Variants in SSTR5 observed in about 807,000 individuals in gnomAD.
The protein encoded by SSTR5 is somatostatin receptor type 5.
A neutral mutation model predicts 0.3 loss-of-function variants in SSTR5; 1 was observed. The observed-to-expected ratio is 2.98, with a 90% CI of 1.06 to 14.15. The LOEUF (loss-of-function observed/expected upper bound fraction) is 14.15, where lower values mean the gene tolerates loss of function less well. SSTR5 is among the 30% of genes most tolerant of loss of function. The pLI, the probability that SSTR5 is intolerant of heterozygous loss-of-function variation, is 0.12. For missense variants in SSTR5, 516 were observed against 543.2 expected (o/e 0.95, Z 0.50); for synonymous variants, 256 against 263.1 (o/e 0.97, Z 0.26).
chr16:1,081,423 G>C lies in SSTR5; in HGVS notation c.*1460G>C, dbSNP rs1311648757. Reference sequence around the variant, plus strand: ...GTGAGGACACGCGTGTTTGACAACTGCTCCCCTGAATAAATGCGAGGATAA... The same window carrying C: ...GTGAGGACACGCGTGTTTGACAACTCCTCCCCTGAATAAATGCGAGGATAA... On this transcript the variant is annotated 3_prime_UTR_variant, in exon 2 of 2. Coordinates refer to ENST00000689027, the MANE Select transcript of SSTR5 (RefSeq NM_001172560.3). Among the ~76,000 whole-genome samples the C allele has an allele frequency of 6.6e-6, 1 of 152,218 alleles. No homozygotes were observed. The highest frequency in any genetic ancestry group is 1.5e-5 in the Non-Finnish European group (1 of 68,034).
rs747465592 is a variant in SSTR5, at chr16:1,079,979, G to A, written c.*16G>A. 4.4e-6 allele frequency: 7 copies of A among 1,583,880 alleles called. No homozygotes were observed. In the East Asian group the frequency reaches 1.1e-4, roughly 26 times the overall value. ...CAAGCTGTGAGAGTGCAGGCGGGGG[G>A]TGGGCGGCCCCGTGTCACCCCCAGG... On this transcript the variant is annotated 3_prime_UTR_variant, in exon 2 of 2. Coordinates refer to ENST00000689027, the MANE Select transcript of SSTR5 (RefSeq NM_001172560.3).
chr16:1,077,350 G>A (rs1433077907), intron 1 of SSTR5, among the ~76,000 whole-genome samples: 4 of 152,206 alleles, frequency 2.6e-5, no homozygotes, highest in African/African-American at 9.7e-5. Context: ...ATTCTCTGCT[G>A]GCCACCCCCA....
intron 1 of SSTR5, among the ~76,000 whole-genome samples, chr16:1,074,737 G>A (rs1200772498): frequency 1.3e-5 from 2 of 152,234 alleles, no homozygotes; most frequent in African/African-American, 4.8e-5. Flanking sequence ...GGCTGACCCT[G>A]GCACACCGGG....
rs368711005 is a variant in SSTR5 at position 1,079,959 on chromosome 16, T to C, written c.1091T>C (p.Leu364Pro). ...AANGLMQTSK[L>P] ...AACGGGCTTATGCAGACCAGCAAGC[T>C]GTGAGAGTGCAGGCGGGGGGTGGGC... Residue 364 changes from leucine (L) to proline (P), a missense_variant, in exon 2 of 2, where the codon CTG becomes CCG. Coordinates refer to ENST00000689027, the MANE Select transcript of SSTR5 (RefSeq NM_001172560.3). 5.1e-5 allele frequency: 81 copies of C among 1,600,852 alleles called. 1 individual carries two copies. The Middle Eastern group carries it at 5.3e-4, about 10-fold the overall frequency.
rs780044428 is a variant in SSTR5, at chr16:1,080,408, T to G, written c.*445T>G. ...ACCGGGTCCCCGTCCAAGGCTGCTC[T>G]GCTAAGTTAAAGACACCCGAAAGCG... On this transcript the variant is annotated 3_prime_UTR_variant, in exon 2 of 2. Transcript: ENST00000689027. Among the ~76,000 whole-genome samples, 14 of 152,224 alleles carry G rather than the reference T, an allele frequency of 9.2e-5. No individual in the cohort carries two copies. The highest frequency in any genetic ancestry group is 2.1e-4 in the Non-Finnish European group (14 of 68,026).
At position 1,079,063 on chromosome 16, in the gene SSTR5, G is replaced by A. The variant is rs751009897; in HGVS notation, c.195G>A (p.Val65=). 2.5e-6 allele frequency: 4 copies of A among 1,612,296 alleles called. No individual in the cohort carries two copies. In the African/African-American group the frequency reaches 4.0e-5, roughly 16 times the overall value. The part of the protein sequence containing the change: ...LGGNTLVIYV[V]LRFAKMKTVT... ...GGAACACGCTGGTCATCTACGTGGT[G>A]CTGCGCTTCGCCAAGATGAAGACCG... The change falls in exon 2 of 2, where the codon GTG becomes GTA. Residue 65 remains valine, a synonymous_variant. Coordinates refer to ENST00000689027, the MANE Select transcript of SSTR5 (RefSeq NM_001172560.3).
intron 1 of SSTR5, among the ~76,000 whole-genome samples, chr16:1,075,712 GC>G (rs894308128): frequency 3.3e-5 from 5 of 151,802 alleles, no homozygotes; most frequent in Admixed American, 2.6e-4. Context: ...CTCCCACGCA[GC>G]CCGCGGGCTG....
chr16:1,075,470 C>G (rs923503696), intron 1 of SSTR5, among the ~76,000 whole-genome samples: 1 of 152,090 alleles, frequency 6.6e-6, no homozygotes, highest in African/African-American at 2.4e-5. Context: ...GACCCCATCT[C>G]GAAAACAAAA....
In SSTR5 at chr16:1,081,160, G is replaced by A; in HGVS notation, c.*1197G>A. On this transcript the variant is annotated 3_prime_UTR_variant, in exon 2 of 2. Transcript: ENST00000689027. ...GAACGTGGGCCCAGAGAGCCTTGCT[G>A]GGGTCTCTGGGGCACCTTGGCCTTG... The A allele has an allele frequency of 4.3e-6, 2 of 470,014 alleles. No homozygotes were observed. Among genetic ancestry groups the A allele is most frequent in the Non-Finnish European group, 8.8e-6 (2 of 226,504 alleles). 29.1% of individuals were successfully genotyped at this position (470,014 alleles called of 1,614,324 possible).
Position 1,078,794 on chromosome 16 carries a change from C to G in SSTR5, c.-27-48C>G, listed in dbSNP as rs1475594183. On this transcript the variant is annotated intron_variant, in intron 1 of 1. Transcript: ENST00000689027. ...CAGGAGGAAGGAATGCCTGCATGTG[C>G]TGGTTCAGGGACTCACCACCCTGGC... 3 of 1,542,526 alleles carry G rather than the reference C, an allele frequency of 1.9e-6. No homozygotes were observed. In the African/African-American group the frequency reaches 4.1e-5, roughly 21 times the overall value.
At chr16:1,075,454 G>C (rs1454284849) in intron 1 of SSTR5, among the ~76,000 whole-genome samples, 1 of 152,136 alleles carries the variant, frequency 6.6e-6, no homozygotes, top group Non-Finnish European at 1.5e-5. Flanking sequence ...TCGGGCAACA[G>C]AGCAAGACCC....
chr16:1,075,989 C>CT lies in SSTR5; in HGVS notation c.-27-2853_-27-2852insT, dbSNP rs1194114402. 9.8e-3 allele frequency among the ~76,000 whole-genome samples: 14 copies of CT among 1,426 alleles called. 7 individuals are homozygous for CT. The highest frequency in any genetic ancestry group is 0.027 in the Admixed American group (6 of 226). 0.9% of individuals were successfully genotyped at this position (1,426 alleles called of 152,430 possible). On this transcript the variant is annotated intron_variant, in intron 1 of 1. Coordinates refer to ENST00000689027, the MANE Select transcript of SSTR5 (RefSeq NM_001172560.3). The stretch of plus-strand genomic sequence containing the variant: ...CCTCTCTCTCCCTCCCCCTCCTCCC[C>CT]CTCCCTCTCCCCCCACCTTTTCTCT...
In SSTR5 at chr16:1,079,046, C is replaced by T; in HGVS notation, c.178C>T (p.Leu60=). The T allele has an allele frequency of 6.2e-7, 1 of 1,611,844 alleles. No individual in the cohort carries two copies. Among genetic ancestry groups the T allele is most frequent in the Non-Finnish European group, 8.5e-7 (1 of 1,179,640 alleles). ...VCAAGLGGNT[L]VIYVVLRFAK... ...TGCGGCCGGGCTGGGCGGGAACACG[C>T]TGGTCATCTACGTGGTGCTGCGCTT... Residue 60 remains leucine, a synonymous_variant, in exon 2 of 2, where the codon CTG becomes TTG. Transcript: ENST00000689027.
In SSTR5 at chr16:1,080,154, G is replaced by A. The variant is rs1018341706; in HGVS notation, c.*191G>A. The stretch of plus-strand genomic sequence containing the variant: ...CCGTGACCGACCATCCCCTCTAACC[G>A]TCTGCCACACAGCGGGGGCTCCCGG... On this transcript the variant is annotated 3_prime_UTR_variant, in exon 2 of 2. Coordinates refer to ENST00000689027, the MANE Select transcript of SSTR5 (RefSeq NM_001172560.3). 8.8e-5 allele frequency: 67 copies of A among 764,654 alleles called. No individual in the cohort carries two copies. The highest frequency in any genetic ancestry group is 1.2e-4 in the Non-Finnish European group (57 of 490,142). The allele number at this position is 764,654 out of a possible 1,614,324, so 47.4% of individuals were successfully genotyped here.
At chr16:1,073,161 G>T (rs1487319443) in intron 1 of SSTR5, 2 of 152,454 alleles carry the variant, frequency 1.3e-5, no homozygotes, top group East Asian at 3.9e-4. Context: ...TCTGCCCACC[G>T]CGCCGCTCCC....
At chr16:1,074,774 G>A (rs1960160137) in intron 1 of SSTR5, among the ~76,000 whole-genome samples, 2 of 152,204 alleles carry the variant, frequency 1.3e-5, no homozygotes, top group African/African-American at 4.8e-5. Context: ...GTTGTGGGGT[G>A]GGGGCAGGAG....
At position 1,079,655 on chromosome 16, in the gene SSTR5, C is replaced by A. The variant is rs1351436209; in HGVS notation, c.787C>A (p.Pro263Thr). 1 of 1,612,418 alleles carries A rather than the reference C, an allele frequency of 6.2e-7. No individual in the cohort carries two copies. Among genetic ancestry groups the A allele is most frequent in the Non-Finnish European group, 8.5e-7 (1 of 1,179,594 alleles). The change falls in exon 2 of 2, where the codon CCC (proline) becomes ACC (threonine). Residue 263 changes from proline to threonine, a missense_variant. By Grantham distance (38) the Pro-to-Thr change is conservative. Transcript: ENST00000689027. ...VVLVFAGCWL[P>T]FFTVNIVNLA... The stretch of plus-strand genomic sequence containing the variant: ...GCTGGTGTTTGCGGGATGTTGGCTG[C>A]CCTTCTTCACCGTCAACATCGTCAA...
intron 1 of SSTR5, among the ~76,000 whole-genome samples, chr16:1,077,026 C>T (rs1960225860): frequency 6.6e-6 from 1 of 152,170 alleles, no homozygotes. Context: ...TTGTTGGGGA[C>T]AGAGGGCTTT....
chr16:1,075,451 A>G (rs1040598181), intron 1 of SSTR5, among the ~76,000 whole-genome samples: 1 of 152,154 alleles, frequency 6.6e-6, no homozygotes, highest in Non-Finnish European at 1.5e-5. Context: ...AGCTCGGGCA[A>G]CAGAGCAAGA....
Sources: allele counts gnomAD v4.1 joint callset (sites outside exome capture counted in the v4.1 genomes callset), GRCh38; gene constraint gnomAD v4.1.1; transcripts MANE v1.5; gene names NCBI Gene and HGNC (gene_info 2026-07-23, HGNC 2026-07-21).